SASH1: variants seen among roughly 807,000 people sequenced by gnomAD.
SASH1 encodes SAM and SH3 domain-containing protein 1.
In SASH1, 44 loss-of-function variants were observed where a neutral mutation model predicts 125.2. The observed-to-expected ratio is 0.35, with a 90% CI of 0.28 to 0.45. The LOEUF (loss-of-function observed/expected upper bound fraction) is 0.45, where lower values mean the gene tolerates loss of function less well. Among genes scored for constraint, SASH1 ranks in the 20% least tolerant of loss-of-function variants. The pLI is 1.00. For synonymous variants in SASH1, 639 were observed against 649.1 expected (o/e 0.98, Z 0.24); for missense variants, 1,426 against 1,614.5 (o/e 0.88, Z 2.00).
intron 2 of SASH1, among the ~76,000 whole-genome samples, chr6:148,420,721 T>G (rs1375207671): frequency 2.6e-5 from 4 of 152,158 alleles, no homozygotes; most frequent in Non-Finnish European, 5.9e-5. Context: ...GTCTTTGTCT[T>G]TGAGTATACC....
chr6:148,530,090 C>G (rs1781424831), intron 12 of SASH1, among the ~76,000 whole-genome samples: 1 of 152,164 alleles, frequency 6.6e-6, no homozygotes, highest in African/African-American at 2.4e-5. Flanking sequence ...CAGGCATGAG[C>G]CACTGCGCCC....
At chr6:148,453,598 G>A (rs1777203947) in intron 4 of SASH1, among the ~76,000 whole-genome samples, 1 of 152,112 alleles carries the variant, frequency 6.6e-6, no homozygotes, top group African/African-American at 2.4e-5. Context: ...CCAACTACAG[G>A]TACAATCAAA....
At chr6:148,383,479 C>T (rs1783235714) in intron 1 of SASH1, among the ~76,000 whole-genome samples, 1 of 152,118 alleles carries the variant, frequency 6.6e-6, no homozygotes. Flanking sequence ...CTGTCTTTCT[C>T]TCAACTTTGG....
chr6:148,380,898 C>T (rs1204109181), intron 1 of SASH1, among the ~76,000 whole-genome samples: 1 of 152,188 alleles, frequency 6.6e-6, no homozygotes, highest in Non-Finnish European at 1.5e-5. Flanking sequence ...CTCTTCTGTG[C>T]AGTAGAAATA....
In SASH1 at chr6:148,473,005, A is replaced by G. The variant is rs995725879; in HGVS notation, c.515-1105A>G. Among the ~76,000 whole-genome samples, 98 of 152,300 alleles carry G rather than the reference A, an allele frequency of 6.4e-4. 1 individual carries two copies. Among genetic ancestry groups the G allele is most frequent in the Non-Finnish European group, 1.1e-3 (75 of 68,020 alleles). On this transcript the variant is annotated intron_variant, in intron 6 of 19. Coordinates refer to ENST00000367467, the MANE Select transcript of SASH1 (RefSeq NM_015278.5). ...CGCTGACCAGAGGCACCATTGCCCA[A>G]TGTGGCTCAGATATACCAGAGGCAA...
Position 148,273,055 on chromosome 6 carries a change from T to C in SASH1, n.74+678T>C, listed in dbSNP as rs143041744. 7.1e-3 allele frequency among the ~76,000 whole-genome samples: 1,081 copies of C among 152,200 alleles called. 9 individuals are homozygous for C. Among genetic ancestry groups the C allele is most frequent in the African/African-American group, 0.024 (985 of 41,546 alleles). On this transcript the variant is annotated intron_variant and non_coding_transcript_variant, in intron 1 of 3. Coordinates refer to the SASH1 transcript ENST00000367469. Reference sequence around the variant, plus strand: ...CGGGAAGGTTCCTTGAGCCCAGGAATTGGAGACCAGCCTGGGCAACATGGC... The same window carrying C: ...CGGGAAGGTTCCTTGAGCCCAGGAACTGGAGACCAGCCTGGGCAACATGGC...
At chr6:148,492,827 TATAAATAAATA>T (rs1370212223) in intron 8 of SASH1, among the ~76,000 whole-genome samples, 2 of 145,590 alleles carry the variant, frequency 1.4e-5, no homozygotes, top group African/African-American at 5.0e-5. Flanking sequence ...TCTCATAAAA[TATAAATAAATA>T]AATAAATAAA....
chr6:148,456,044 C>T (rs1777328054), intron 4 of SASH1, among the ~76,000 whole-genome samples: 1 of 152,202 alleles, frequency 6.6e-6, no homozygotes, highest in African/African-American at 2.4e-5. Context: ...GCCTGCGTGG[C>T]CAGCAGGCCT....
chr6:148,489,279 A>G (rs1285522340), intron 8 of SASH1, among the ~76,000 whole-genome samples: 1 of 152,138 alleles, frequency 6.6e-6, no homozygotes, highest in African/African-American at 2.4e-5. Flanking sequence ...GATTGATCAT[A>G]TATGTGATGA....
chr6:148,418,053 C>T (rs1784900538), intron 2 of SASH1, among the ~76,000 whole-genome samples: 1 of 152,108 alleles, frequency 6.6e-6, no homozygotes. Context: ...GAAAACAAAC[C>T]CAGTGGTCCT....
At chr6:148,238,032 T>G in the SASH1 span, among the ~76,000 whole-genome samples, 1 of 152,088 alleles carries the variant, frequency 6.6e-6, no homozygotes, top group East Asian at 1.9e-4. Flanking sequence ...CTTCTGCACT[T>G]GCTGTTTTGG....
At chr6:148,531,043 T>C (rs1450856546) in intron 12 of SASH1, among the ~76,000 whole-genome samples, 1 of 152,206 alleles carries the variant, frequency 6.6e-6, no homozygotes, top group Middle Eastern at 3.2e-3. Context: ...TTTGTACAAA[T>C]AGAAATATAA....
In SASH1 at chr6:148,329,914, T is replaced by C. The variant is rs1181394961; in HGVS notation, n.74+57537T>C. On this transcript the variant is annotated intron_variant and non_coding_transcript_variant, in intron 1 of 3. Coordinates refer to the SASH1 transcript ENST00000367469. ...TTTGTAAGGGCTGGCAGATGAATTT[T>C]ACTAGTATAAAAATCATGCTACTCT... Among the ~76,000 whole-genome samples the C allele has an allele frequency of 2.0e-5, 3 of 152,138 alleles. No individual in the cohort carries two copies. The East Asian group carries it at 5.8e-4, about 29-fold the overall frequency.
chr6:148,390,894 G>A (rs1484722265), intron 2 of SASH1, among the ~76,000 whole-genome samples: 1 of 151,994 alleles, frequency 6.6e-6, no homozygotes, highest in Non-Finnish European at 1.5e-5. Flanking sequence ...TAAGCCCAAA[G>A]GGTGTCTAGG....
At chr6:148,437,047 G>A (rs982991876) in intron 2 of SASH1, among the ~76,000 whole-genome samples, 2 of 152,186 alleles carry the variant, frequency 1.3e-5, no homozygotes, top group Admixed American at 1.3e-4. Context: ...GAGCTGTAGT[G>A]TAAACCATCA....
At position 148,389,048 on chromosome 6, in the gene SASH1, C is replaced by T. The variant is rs568272232; in HGVS notation, c.157-1086C>T. On this transcript the variant is annotated intron_variant, in intron 1 of 19. Coordinates refer to ENST00000367467, the MANE Select transcript of SASH1 (RefSeq NM_015278.5). ...TAACTTACAAATGTACAAGGTATTT[C>T]TGTCATCCTCCCTGTATGTATTCAG... Among the ~76,000 whole-genome samples the T allele has an allele frequency of 3.9e-5, 6 of 152,096 alleles. No homozygotes were observed. In the East Asian group the frequency reaches 9.7e-4, roughly 24 times the overall value.
chr6:148,390,782 C>T (rs578173977), intron 2 of SASH1, among the ~76,000 whole-genome samples: 1 of 148,988 alleles, frequency 6.7e-6, no homozygotes, highest in South Asian at 2.1e-4. Flanking sequence ...AGCAAGACTC[C>T]GTCTCAAAAA....
intron 4 of SASH1, among the ~76,000 whole-genome samples, chr6:148,445,490 C>CA (rs1203742259): frequency 4.6e-5 from 7 of 152,174 alleles, no homozygotes; most frequent in Middle Eastern, 3.2e-3. Context: ...ATAACTACAA[C>CA]AAATGAGTTT....
chr6:148,377,700 T>C (rs996518543), intron 1 of SASH1, among the ~76,000 whole-genome samples: 1 of 152,208 alleles, frequency 6.6e-6, no homozygotes, highest in African/African-American at 2.4e-5. Context: ...TTCCCTGTAT[T>C]GAAATTCTAG....
Sources: gnomAD v4.1 joint callset for allele counts (sites outside exome capture counted in the v4.1 genomes callset) on GRCh38, gnomAD v4.1.1 for gene constraint, MANE v1.5 for transcripts, NCBI Gene and HGNC (gene_info 2026-07-23, HGNC 2026-07-21) for gene names.